The following PPP3CC variants were observed in gnomAD, a reference collection of about 807,000 sequenced individuals.
PPP3CC encodes the protein serine/threonine-protein phosphatase 2B catalytic subunit gamma isoform.
In PPP3CC, 35 loss-of-function variants were observed where a neutral mutation model predicts 60.3. That is an observed-to-expected ratio of 0.58 (90% CI 0.44 to 0.77). The LOEUF (loss-of-function observed/expected upper bound fraction) is 0.77. PPP3CC is among the 30% of genes least tolerant of loss of function. The pLI is 0.00. For missense variants in PPP3CC, 570 were observed against 628.9 expected (o/e 0.91, Z 1.00); for synonymous variants, 206 against 224.3 (o/e 0.92, Z 0.73).
chr8:22,503,157 C>T (rs539609432), intron 4 of PPP3CC, among the ~76,000 whole-genome samples: 10 of 152,076 alleles, frequency 6.6e-5, no homozygotes, highest in Non-Finnish European at 1.5e-4. Flanking sequence ...TTTGTAAGCA[C>T]CCAAGGTAGT....
At chr8:22,480,973 C>T (rs1838046210) in intron 3 of PPP3CC, among the ~76,000 whole-genome samples, 1 of 152,170 alleles carries the variant, frequency 6.6e-6, no homozygotes, top group African/African-American at 2.4e-5. Context: ...ATTTTGGGGA[C>T]GTTTGTCAAA....
intron 10 of PPP3CC, 44 bp from the exon 11 acceptor site, chr8:22,532,181 A>G: frequency 6.9e-7 from 1 of 1,453,850 alleles, no homozygotes; most frequent in Non-Finnish European, 9.6e-7. Context: ...AAGGCAGCCT[A>G]TTAACACATC....
intron 4 of PPP3CC, among the ~76,000 whole-genome samples, chr8:22,502,680 C>T (rs1838796122): frequency 1.3e-5 from 2 of 152,060 alleles, no homozygotes; most frequent in South Asian, 4.1e-4. Context: ...AAGACTCTGT[C>T]TCCAAAAACA....
At position 22,535,456 on chromosome 8, in the gene PPP3CC, A is replaced by G. The variant is rs575865632; in HGVS notation, c.1321+2438A>G. ...CCCCTTGTTTTGTTGAATTGTTTCT[A>G]TTTAGTTTTTTTCCCACCTCATCGT... On this transcript the variant is annotated intron_variant, in intron 12 of 13. Transcript: ENST00000240139. 3.9e-5 allele frequency among the ~76,000 whole-genome samples: 6 copies of G among 152,182 alleles called. No homozygotes were observed. The East Asian group carries it at 1.2e-3, about 29-fold the overall frequency.
intron 13 of PPP3CC, among the ~76,000 whole-genome samples, chr8:22,540,053 G>C (rs1247150418): frequency 6.6e-6 from 1 of 152,190 alleles, no homozygotes; most frequent in Non-Finnish European, 1.5e-5. Flanking sequence ...CCTTAACTTG[G>C]TGTTATAAAA....
chr8:22,479,040 A>G (rs1360138479), intron 3 of PPP3CC, among the ~76,000 whole-genome samples: 2 of 152,176 alleles, frequency 1.3e-5, no homozygotes, highest in Non-Finnish European at 2.9e-5. Flanking sequence ...TCGAGTATTC[A>G]TTGGAAGTCA....
chr8:22,539,469 C>G lies in PPP3CC; in HGVS notation c.1322C>G (p.Ala441Gly). 1.2e-6 allele frequency: 2 copies of G among 1,614,008 alleles called. No individual in the cohort carries two copies. Among genetic ancestry groups the G allele is most frequent in the Non-Finnish European group, 1.7e-6 (2 of 1,179,974 alleles). ...LSGGKQTIET[A>G]TVEAVEAREA... ...TGCTACTGCTCCTGCCCTCTTACAG[C>G]CACAGTAGAAGCGGTAGAGGCCCGG... is the stretch of plus-strand genomic sequence containing the variant. Residue 441 changes from alanine to glycine, a missense_variant and splice_region_variant, in exon 13 of 14, where the codon GCC (alanine) becomes GGC (glycine). Ala to Gly is a moderately conservative substitution (Grantham distance 60). Transcript: ENST00000240139.
intron 1 of PPP3CC, among the ~76,000 whole-genome samples, chr8:22,443,821 A>G (rs1034458532): frequency 3.9e-5 from 6 of 152,146 alleles, no homozygotes; most frequent in Non-Finnish European, 8.8e-5. Flanking sequence ...GAAATAGTTG[A>G]AGAAAATGAG....
intron 3 of PPP3CC, among the ~76,000 whole-genome samples, chr8:22,481,139 G>A (rs1229123823): frequency 6.6e-6 from 1 of 151,982 alleles, no homozygotes; most frequent in Non-Finnish European, 1.5e-5. Flanking sequence ...TTTGAGTCCA[G>A]CTTGGCCAAC....
At chr8:22,497,707 G>A (rs1339112299) in intron 3 of PPP3CC, among the ~76,000 whole-genome samples, 3 of 152,100 alleles carry the variant, frequency 2.0e-5, no homozygotes, top group South Asian at 2.1e-4. Context: ...TGAAAATGCC[G>A]TTAGTGTTTT....
At chr8:22,455,337 G>T (rs1837164918) in intron 1 of PPP3CC, among the ~76,000 whole-genome samples, 1 of 152,184 alleles carries the variant, frequency 6.6e-6, no homozygotes, top group South Asian at 2.1e-4. Context: ...ACTGCAAAAG[G>T]AGCAGGTGAC....
chr8:22,469,969 TA>T (rs1837666527), intron 1 of PPP3CC, among the ~76,000 whole-genome samples: 1 of 151,368 alleles, frequency 6.6e-6, no homozygotes, highest in African/African-American at 2.4e-5. Flanking sequence ...AAGACATATA[TA>T]TATATATATA....
chr8:22,497,216 G>A (rs1046525247), intron 3 of PPP3CC, among the ~76,000 whole-genome samples: 1 of 151,936 alleles, frequency 6.6e-6, no homozygotes, highest in Admixed American at 6.6e-5. Context: ...TTTAGTAGAC[G>A]CGGGGTTTCT....
At position 22,532,287 on chromosome 8, in the gene PPP3CC, C is replaced by G. The variant is rs773438529; in HGVS notation, c.1204C>G (p.Arg402Gly). 2 of 1,612,466 alleles carry G rather than the reference C, an allele frequency of 1.2e-6. No homozygotes were observed. Among genetic ancestry groups the G allele is most frequent in the Non-Finnish European group, 1.7e-6 (2 of 1,178,590 alleles). The change falls in exon 11 of 14, where the codon CGG (arginine) becomes GGG (glycine). Residue 402 changes from arginine (R) to glycine (G), a missense_variant. Physicochemically the swap from Arg to Gly is moderately radical, Grantham distance 125. Coordinates refer to ENST00000240139, the MANE Select transcript of PPP3CC (RefSeq NM_005605.5). ...GATCAGAGCCATTGGGAAGATGGCACGGGTCTTTTCAATTCTTCGGTAAGG... is the reference window on the plus strand; with the variant it reads ...GATCAGAGCCATTGGGAAGATGGCAGGGGTCTTTTCAATTCTTCGGTAAGG... ...NKIRAIGKMA[R>G]VFSILRQESE...
chr8:22,500,392 T>C lies in PPP3CC; in HGVS notation c.484+2280T>C, dbSNP rs1456670480. Among the ~76,000 whole-genome samples the C allele has an allele frequency of 2.0e-5, 3 of 152,254 alleles. No homozygotes were observed. In the East Asian group the frequency reaches 5.8e-4, roughly 29 times the overall value. ...GTTCATATGGTTGATATTTTGATCA[T>C]GGATTTCATTTTGTATCCAGATTTT... On this transcript the variant is annotated intron_variant, in intron 4 of 13. Coordinates refer to ENST00000240139, the MANE Select transcript of PPP3CC (RefSeq NM_005605.5).
chr8:22,525,504 T>TTC (rs1371881609), intron 8 of PPP3CC, among the ~76,000 whole-genome samples: 13 of 88,520 alleles, frequency 1.5e-4, no homozygotes, highest in Non-Finnish European at 2.5e-4. Flanking sequence ...CTTTCTTTCT[T>TTC]TCTTTCTTTC....
intron 1 of PPP3CC, among the ~76,000 whole-genome samples, chr8:22,461,809 C>G (rs575500709): frequency 1.3e-5 from 2 of 152,264 alleles, no homozygotes; most frequent in Admixed American, 1.3e-4. Context: ...CAGGGATTGG[C>G]TAGAATATGT....
In PPP3CC at chr8:22,475,064, G is replaced by T; in HGVS notation, c.160G>T (p.Glu54Ter). 6.2e-7 allele frequency: 1 copy of T among 1,613,730 alleles called. No homozygotes were observed. Among genetic ancestry groups the T allele is most frequent in the South Asian group, 1.1e-5 (1 of 91,040 alleles). The change falls in exon 2 of 14, where the codon GAG (glutamate) becomes TAG (stop). Residue 54 changes from glutamate to a stop codon, truncating the protein, a stop_gained. Transcript: ENST00000240139. LOFTEE classifies it high-confidence loss of function. Reference sequence around the variant, plus strand: ...TTTGGTAAAGGAAGGACGACTGGAAGAGGAAGTAGCCTTAAAGATAATCAA... The same window carrying T: ...TTTGGTAAAGGAAGGACGACTGGAATAGGAAGTAGCCTTAAAGATAATCAA... ...NHLVKEGRLE[E>*]EVALKIINDG...
intron 8 of PPP3CC, among the ~76,000 whole-genome samples, chr8:22,526,358 G>A (rs1474762113): frequency 6.6e-6 from 1 of 152,178 alleles, no homozygotes; most frequent in Non-Finnish European, 1.5e-5. Flanking sequence ...GAAATTGAGG[G>A]AGTTGTTGAA....
Sources: allele counts gnomAD v4.1 joint callset (sites outside exome capture counted in the v4.1 genomes callset), GRCh38; gene constraint gnomAD v4.1.1; transcripts MANE v1.5; gene names NCBI Gene and HGNC (gene_info 2026-07-23, HGNC 2026-07-21).